AKAP7: variants seen among roughly 807,000 people sequenced by gnomAD.
AKAP7 encodes A kinase (PRKA) anchor protein 7.
A neutral mutation model predicts 39.5 loss-of-function variants in AKAP7; 39 were observed. That is an observed-to-expected ratio of 0.99 (90% CI 0.76 to 1.29). The LOEUF is 1.29. AKAP7 is among the 50% of genes most tolerant of loss of function. AKAP7 has a pLI of 0.00. For missense variants in AKAP7, 414 were observed against 407.7 expected, an observed-to-expected ratio of 1.02 and a Z score of -0.13; for synonymous variants, 140 against 139.1, an observed-to-expected ratio of 1.01 and a Z score of -0.05.
chr6:131,246,771 A>G (rs1427064900), intron 7 of AKAP7, among the ~76,000 whole-genome samples: 3 of 152,230 alleles, frequency 2.0e-5, no homozygotes, highest in East Asian at 3.8e-4. Context: ...AACATGAGGA[A>G]CCAAGGCAAG....
chr6:131,279,113 G>T (rs1422243218), intron 7 of AKAP7, among the ~76,000 whole-genome samples: 5 of 152,188 alleles, frequency 3.3e-5, no homozygotes, highest in Admixed American at 6.5e-5. Context: ...TTGAAGACGG[G>T]AGAAATCATG....
intron 6 of AKAP7, among the ~76,000 whole-genome samples, chr6:131,212,307 TAGAA>T (rs1428929898): frequency 6.6e-6 from 1 of 152,258 alleles, no homozygotes; most frequent in Non-Finnish European, 1.5e-5. Flanking sequence ...GTGTCATACT[TAGAA>T]AGTCTTTGTT....
intron 7 of AKAP7, among the ~76,000 whole-genome samples, chr6:131,254,688 A>C (rs185171667): frequency 6.6e-6 from 1 of 152,282 alleles, no homozygotes; most frequent in East Asian, 1.9e-4. Context: ...CCTTCTAGGG[A>C]TGTTGTAAGG....
intron 5 of AKAP7, among the ~76,000 whole-genome samples, chr6:131,170,299 TAAAAAA>T (rs746782065): frequency 1.0e-5 from 1 of 98,886 alleles, no homozygotes; most frequent in Non-Finnish European, 2.0e-5. Context: ...AAGTATAATT[TAAAAAA>T]AAAAGAAAAA....
chr6:131,151,747 A>C (rs995004021), intron 2 of AKAP7, among the ~76,000 whole-genome samples: 1 of 152,004 alleles, frequency 6.6e-6, no homozygotes, highest in Non-Finnish European at 1.5e-5. Flanking sequence ...ACTCAGTCTC[A>C]AAAAAAATAT....
chr6:131,199,697 G>A, intron 6 of AKAP7, 124 bp downstream of exon 6: 1 of 820,622 alleles, frequency 1.2e-6, no homozygotes, highest in Non-Finnish European at 2.0e-6. Flanking sequence ...TTCCAAGTCA[G>A]GTTGGTTCCA....
intron 7 of AKAP7, among the ~76,000 whole-genome samples, chr6:131,271,243 G>GTA (rs1554221357): frequency 6.6e-6 from 1 of 151,912 alleles, no homozygotes; most frequent in Non-Finnish European, 1.5e-5. Flanking sequence ...TTATATTGGT[G>GTA]TAAGAGTTGA....
chr6:131,254,783 T>C (rs1812714514), intron 7 of AKAP7, among the ~76,000 whole-genome samples: 1 of 152,224 alleles, frequency 6.6e-6, no homozygotes, highest in South Asian at 2.1e-4. Flanking sequence ...GAAAATAAAA[T>C]ATTAGAATAA....
intron 7 of AKAP7, among the ~76,000 whole-genome samples, chr6:131,262,956 C>T (rs142502217): frequency 2.6e-5 from 4 of 152,260 alleles, no homozygotes; most frequent in South Asian, 2.1e-4. Flanking sequence ...TGTGTTCTCA[C>T]GGCTTCAGGT....
the AKAP7 span, among the ~76,000 whole-genome samples, chr6:131,127,755 G>A: frequency 7.9e-5 from 12 of 152,130 alleles, no homozygotes; most frequent in African/African-American, 2.7e-4. Context: ...ATTCACAATA[G>A]CAAAGACATA....
intron 7 of AKAP7, among the ~76,000 whole-genome samples, chr6:131,238,085 C>T (rs998994015): frequency 2.6e-5 from 4 of 152,018 alleles, no homozygotes; most frequent in Non-Finnish European, 5.9e-5. Context: ...GAATGTGTCC[C>T]AGAGATTCTG....
At chr6:131,127,114 C>T in the AKAP7 span, among the ~76,000 whole-genome samples, 3 of 151,904 alleles carry the variant, frequency 2.0e-5, no homozygotes, top group African/African-American at 4.8e-5. Flanking sequence ...GGCGCGATCT[C>T]GGCTCACTGT....
chr6:131,242,161 T>A, intron 7 of AKAP7: 1 of 985,088 alleles, frequency 1.0e-6, no homozygotes, highest in Non-Finnish European at 1.2e-6. Context: ...TATTTGATCT[T>A]CTATTACTAG....
intron 7 of AKAP7, among the ~76,000 whole-genome samples, chr6:131,244,890 G>A (rs1331452185): frequency 6.6e-6 from 1 of 152,070 alleles, no homozygotes; most frequent in East Asian, 1.9e-4. Flanking sequence ...ATAGCATATG[G>A]CAGTTTCAAA....
chr6:131,159,186 T>C (rs543561866), intron 2 of AKAP7, among the ~76,000 whole-genome samples: 13 of 152,292 alleles, frequency 8.5e-5, no homozygotes, highest in South Asian at 2.1e-4. Flanking sequence ...CTCTGCCTCC[T>C]GGGTTCATGC....
chr6:131,134,910 A>G (rs1185613753), upstream of AKAP7, among the ~76,000 whole-genome samples: 1 of 152,146 alleles, frequency 6.6e-6, no homozygotes, highest in African/African-American at 2.4e-5. Flanking sequence ...AAAGGTTTTT[A>G]TTTTTTTAAA....
At chr6:131,170,946 A>C (rs1585002835) in intron 5 of AKAP7, among the ~76,000 whole-genome samples, 1 of 152,246 alleles carries the variant, frequency 6.6e-6, no homozygotes, top group Non-Finnish European at 1.5e-5. Context: ...TACGTTTTAC[A>C]TAACAGCATT....
intron 7 of AKAP7, among the ~76,000 whole-genome samples, chr6:131,271,679 G>C (rs1457526390): frequency 1.3e-5 from 2 of 151,832 alleles, no homozygotes; most frequent in East Asian, 3.8e-4. Context: ...CAAAATACAT[G>C]GTGATCATAA....
intron 5 of AKAP7, among the ~76,000 whole-genome samples, chr6:131,198,011 T>G (rs1446432340): frequency 2.0e-5 from 3 of 152,190 alleles, no homozygotes; most frequent in Admixed American, 1.3e-4. Flanking sequence ...TAGCATTTTC[T>G]TTGAAACATA....
Sources: gnomAD v4.1 joint callset for allele counts (sites outside exome capture counted in the v4.1 genomes callset) on GRCh38, gnomAD v4.1.1 for gene constraint, MANE v1.5 for transcripts, NCBI Gene and HGNC (gene_info 2026-07-23, HGNC 2026-07-21) for gene names.